Variants in ALDH1A2 observed in about 807,000 individuals in gnomAD.
ALDH1A2 encodes aldehyde dehydrogenase 1 family member A2.
ALDH1A2 carries 27 observed loss-of-function variants against 60.3 expected under a neutral mutation model. The observed-to-expected ratio is 0.45, with a 90% confidence interval of 0.33 to 0.62. The LOEUF (loss-of-function observed/expected upper bound fraction) is 0.62. Ranked by LOEUF, ALDH1A2 falls within the 20% of genes least tolerant of loss-of-function variation. ALDH1A2 has a pLI of 0.02. For missense variants in ALDH1A2, 581 were observed against 643.8 expected (o/e 0.90, Z 1.06); for synonymous variants, 289 against 232.4 (o/e 1.24, Z -2.21).
intron 1 of ALDH1A2, among the ~76,000 whole-genome samples, chr15:58,041,779 C>T (rs529628711): frequency 6.6e-6 from 1 of 152,020 alleles, no homozygotes; most frequent in South Asian, 2.1e-4. Flanking sequence ...CAGTGGATGC[C>T]TGAAACCGCA....
intron 7 of ALDH1A2, chr15:57,979,874 T>C: frequency 3.0e-6 from 1 of 333,836 alleles, no homozygotes; most frequent in Non-Finnish European, 6.3e-6. Context: ...ACCTGGCTAC[T>C]ATGGTTGGTA....
chr15:58,003,336 G>T (rs1402207951), intron 4 of ALDH1A2, among the ~76,000 whole-genome samples: 1 of 151,784 alleles, frequency 6.6e-6, no homozygotes, highest in African/African-American at 2.4e-5. Context: ...GAATACTTCA[G>T]ATTTCACCCT....
intron 1 of ALDH1A2, among the ~76,000 whole-genome samples, chr15:58,045,504 T>C (rs912536120): frequency 2.8e-4 from 43 of 152,180 alleles, no homozygotes; most frequent in African/African-American, 9.6e-4. Context: ...CAAATGTCCA[T>C]CAATGATAGA....
intron 11 of ALDH1A2, 31 bp from the exon 12 acceptor site, chr15:57,960,875 C>A (rs369082445): frequency 6.9e-6 from 11 of 1,590,866 alleles, no homozygotes; most frequent in South Asian, 2.2e-5. Flanking sequence ...ACTGTGAGTT[C>A]GTGTGAAGTC....
At chr15:57,982,602 T>A (rs1413148685) in intron 7 of ALDH1A2, among the ~76,000 whole-genome samples, 6 of 152,206 alleles carry the variant, frequency 3.9e-5, no homozygotes, top group South Asian at 2.1e-4. Flanking sequence ...TTAAACTTTA[T>A]GGGTTGGTCT....
chr15:57,986,031 T>C (rs78712578), intron 7 of ALDH1A2, among the ~76,000 whole-genome samples: 163 of 152,346 alleles, frequency 1.1e-3, no homozygotes, highest in African/African-American at 3.9e-3. Context: ...GTAAAGGTGA[T>C]CTGCATGAAA....
At chr15:57,985,865 A>G (rs1464010473) in intron 7 of ALDH1A2, among the ~76,000 whole-genome samples, 2 of 152,228 alleles carry the variant, frequency 1.3e-5, no homozygotes, top group African/African-American at 4.8e-5. Context: ...CTCAAAGATG[A>G]AAAAGGAGTT....
intron 1 of ALDH1A2, among the ~76,000 whole-genome samples, chr15:58,019,909 G>A (rs1895880579): frequency 6.6e-6 from 1 of 152,100 alleles, no homozygotes; most frequent in Non-Finnish European, 1.5e-5. Flanking sequence ...GTGGTTTGCT[G>A]CACCTATCAT....
intron 5 of ALDH1A2, among the ~76,000 whole-genome samples, chr15:57,994,134 T>A (rs1421728955): frequency 6.6e-6 from 1 of 152,204 alleles, no homozygotes; most frequent in Non-Finnish European, 1.5e-5. Context: ...AAAGTAAGTT[T>A]GAATCCTACG....
intron 11 of ALDH1A2, 98 bp from the exon 12 acceptor site, chr15:57,960,942 C>CAATTT: frequency 7.2e-7 from 1 of 1,396,850 alleles, no homozygotes; most frequent in Non-Finnish European, 9.9e-7. Flanking sequence ...TTTTAAATTC[C>CAATTT]TTTCCTCCAG....
intron 4 of ALDH1A2, among the ~76,000 whole-genome samples, chr15:57,995,511 AAC>A (rs1422272269): frequency 6.6e-6 from 1 of 152,134 alleles, no homozygotes; most frequent in African/African-American, 2.4e-5. Flanking sequence ...AAACTGAGTC[AAC>A]AAACCTTTAA....
chr15:58,030,163 C>T (rs1735558839), intron 1 of ALDH1A2, among the ~76,000 whole-genome samples: 2 of 152,168 alleles, frequency 1.3e-5, no homozygotes, highest in African/African-American at 4.8e-5. Flanking sequence ...AAACCAAATC[C>T]AGCAGCACAT....
intron 12 of ALDH1A2, 64 bp downstream of exon 12, chr15:57,960,706 G>T (rs35789027): frequency 1.4e-6 from 2 of 1,380,858 alleles, no homozygotes; most frequent in African/African-American, 1.4e-5. Context: ...TATTTTTTAA[G>T]TACTGCTCTG....
intron 1 of ALDH1A2, among the ~76,000 whole-genome samples, chr15:58,045,780 T>C (rs1896626348): frequency 6.6e-6 from 1 of 151,850 alleles, no homozygotes; most frequent in South Asian, 2.1e-4. Context: ...TGTATACCTA[T>C]GTAACAAAAA....
rs765838179 is a variant in ALDH1A2, at chr15:57,962,057, T to C, written c.1206A>G (p.Thr402=). Residue 402 remains threonine, a synonymous_variant, in exon 10 of 13, where the codon ACA becomes ACG. Coordinates refer to ENST00000249750, the MANE Select transcript of ALDH1A2 (RefSeq NM_003888.4). The part of the protein sequence containing the change: ...LGRKGFFIEP[T]VFSNVTDDMR... Reference sequence around the variant, plus strand: ...TATCATCAGTGACGTTGGAAAACACTGTGGGCTCAATGAAAAACCCCTTTC... The same window carrying C: ...TATCATCAGTGACGTTGGAAAACACCGTGGGCTCAATGAAAAACCCCTTTC... 2.5e-6 allele frequency: 4 copies of C among 1,614,174 alleles called. No homozygotes were observed. Among genetic ancestry groups the C allele is most frequent in the Non-Finnish European group, 3.4e-6 (4 of 1,180,028 alleles).
intron 1 of ALDH1A2, among the ~76,000 whole-genome samples, chr15:58,021,435 C>T (rs543697416): frequency 1.6e-4 from 24 of 152,262 alleles, no homozygotes; most frequent in African/African-American, 5.8e-4. Context: ...AGTGATTTCC[C>T]AAAGTGGGAA....
At chr15:57,982,084 T>C (rs1894534497) in intron 7 of ALDH1A2, among the ~76,000 whole-genome samples, 1 of 152,138 alleles carries the variant, frequency 6.6e-6, no homozygotes, top group Admixed American at 6.5e-5. Context: ...GTTAACAGAT[T>C]AGTACCCACC....
intron 4 of ALDH1A2, among the ~76,000 whole-genome samples, chr15:57,998,175 C>A (rs1373530053): frequency 6.6e-6 from 1 of 151,994 alleles, no homozygotes; most frequent in Non-Finnish European, 1.5e-5. Flanking sequence ...TCCTATTCAA[C>A]ATAGTATTGG....
chr15:57,962,096 G>C lies in ALDH1A2; in HGVS notation c.1167C>G (p.Gly389=). ...AAAACCCCTTTCGGCCCAGTCCTTTGCCTCCACATTCCAGCTTGGCGCCCT... is the reference window on the plus strand; with the variant it reads ...AAAACCCCTTTCGGCCCAGTCCTTTCCCTCCACATTCCAGCTTGGCGCCCT... ...VAEGAKLECG[G]KGLGRKGFFI... The change falls in exon 10 of 13, where the codon GGC becomes GGG. Residue 389 remains glycine, a synonymous_variant. Coordinates refer to ENST00000249750, the MANE Select transcript of ALDH1A2 (RefSeq NM_003888.4). The C allele has an allele frequency of 6.2e-7, 1 of 1,614,126 alleles. No individual in the cohort carries two copies. The highest frequency in any genetic ancestry group is 1.1e-5 in the South Asian group (1 of 91,080).
Sources: allele counts gnomAD v4.1 joint callset (sites outside exome capture counted in the v4.1 genomes callset), GRCh38; gene constraint gnomAD v4.1.1; transcripts MANE v1.5; gene names NCBI Gene and HGNC (gene_info 2026-07-23, HGNC 2026-07-21).